DNAH5: variants seen among roughly 807,000 people sequenced by gnomAD.
DNAH5 encodes the protein axonemal beta dynein heavy chain 5.
Under a neutral mutation model 518.2 loss-of-function variants are expected in DNAH5, and 372 were observed. That is an observed-to-expected ratio of 0.72 (90% CI 0.66 to 0.78). The LOEUF is 0.78. Ranked by LOEUF, DNAH5 falls within the 30% of genes least tolerant of loss-of-function variation. DNAH5 has a pLI of 0.00. For missense variants in DNAH5, 5,523 were observed against 5,687.0 expected (o/e 0.97, Z 0.93); for synonymous variants, 2,039 against 2,025.9 (o/e 1.01, Z -0.17).
intron 51 of DNAH5, among the ~76,000 whole-genome samples, chr5:13,788,505 G>C (rs932183948): frequency 6.6e-6 from 1 of 152,090 alleles, no homozygotes; most frequent in Non-Finnish European, 1.5e-5. Flanking sequence ...ATATCCAAGC[G>C]TGATATGCAT....
chr5:13,914,746 T>C (rs1344510038), intron 9 of DNAH5, 104 bp from the exon 10 acceptor site: 7 of 1,183,622 alleles, frequency 5.9e-6, no homozygotes, highest in Non-Finnish European at 6.1e-6. Flanking sequence ...TTCACAATCT[T>C]CTAACTTGAG....
At chr5:13,732,785 C>A (rs996704976) in intron 68 of DNAH5, among the ~76,000 whole-genome samples, 1 of 152,076 alleles carries the variant, frequency 6.6e-6, no homozygotes, top group Non-Finnish European at 1.5e-5. Context: ...TTTCATCATA[C>A]GAATTTTAGT....
chr5:13,820,454 C>A lies in DNAH5; in HGVS notation c.6733G>T (p.Val2245Phe). 5 of 1,614,096 alleles carry A rather than the reference C, an allele frequency of 3.1e-6. No individual in the cohort carries two copies. Among genetic ancestry groups the A allele is most frequent in the Middle Eastern group, 1.7e-4 (1 of 6,050 alleles). Residue 2245 changes from valine (V) to phenylalanine (F), a missense_variant, in exon 41 of 79, where the codon GTC becomes TTC. Val to Phe is a conservative substitution (Grantham distance 50). Transcript: ENST00000265104. ...CTCTGCGTTTCGAATAGCTGGATGA[C>A]CTTCAGTTTCCAAGGAGGATGGTTG... ...LINHPPWKLKVIQLFETQRVR... is the reference protein window; with the variant it reads ...LINHPPWKLKFIQLFETQRVR...
Position 13,814,651 on chromosome 5 carries a change from A to G in DNAH5, c.7184T>C (p.Met2395Thr), listed in dbSNP as rs1225910424. The change falls in exon 43 of 79, where the codon ATG becomes ACG. Residue 2395 changes from methionine to threonine, a missense_variant. Met to Thr is a moderately conservative substitution (Grantham distance 81). Coordinates refer to ENST00000265104, the MANE Select transcript of DNAH5 (RefSeq NM_001369.3). ...AAGGATAGAAGAGCTCATGAAAACC[A>G]TTCCATTTCTTGAGACGGTGGCAGG... Reference protein sequence around the residue: ...ASPATVSRNGMVFMSSSILDW... With the variant: ...ASPATVSRNGTVFMSSSILDW... 2 of 1,613,942 alleles carry G rather than the reference A, an allele frequency of 1.2e-6. No homozygotes were observed. Among genetic ancestry groups the G allele is most frequent in the Non-Finnish European group, 1.7e-6 (2 of 1,179,900 alleles).
intron 28 of DNAH5, among the ~76,000 whole-genome samples, chr5:13,864,080 A>C (rs795510): frequency 6.6e-6 from 1 of 152,134 alleles, no homozygotes; most frequent in Admixed American, 6.5e-5. Context: ...CCCCAGGTGA[A>C]CCAAACTCAT....
chr5:13,815,843 G>A (rs1031902864), intron 42 of DNAH5, among the ~76,000 whole-genome samples: 9 of 152,186 alleles, frequency 5.9e-5, no homozygotes, highest in Non-Finnish European at 8.8e-5. Flanking sequence ...AGATTAAAAT[G>A]TGAAAGTCAC....
intron 2 of DNAH5, among the ~76,000 whole-genome samples, chr5:13,928,484 G>A (rs1298837687): frequency 6.6e-6 from 1 of 152,190 alleles, no homozygotes; most frequent in African/African-American, 2.4e-5. Flanking sequence ...GTTGAAGGGA[G>A]ATTTAAATAG....
chr5:13,906,844 T>C lies in DNAH5; in HGVS notation c.1644+4542A>G, dbSNP rs180889240. The stretch of plus-strand genomic sequence containing the variant: ...CAATAGTGACCCTTCGTGGAAAAGA[T>C]ATAGACTTTCATGCACCTATTTTAA... On this transcript the variant is annotated intron_variant, in intron 12 of 78. Coordinates refer to ENST00000265104, the MANE Select transcript of DNAH5 (RefSeq NM_001369.3). 9.4e-3 allele frequency among the ~76,000 whole-genome samples: 1,435 copies of C among 152,182 alleles called. 21 individuals carry two copies. Among genetic ancestry groups the C allele is most frequent in the Non-Finnish European group, 9.0e-3 (612 of 68,002 alleles).
chr5:13,966,147 G>A (rs1781510508), intron 1 of DNAH5, among the ~76,000 whole-genome samples: 1 of 152,046 alleles, frequency 6.6e-6, no homozygotes, highest in Admixed American at 6.5e-5. Context: ...TCCATCCAAG[G>A]TTGCTGCAAA....
At chr5:13,731,386 A>G (rs1436856078) in intron 68 of DNAH5, among the ~76,000 whole-genome samples, 1 of 152,226 alleles carries the variant, frequency 6.6e-6, no homozygotes, top group African/African-American at 2.4e-5. Context: ...GGGAAAGGCT[A>G]TTCACAGAAA....
In DNAH5 at chr5:13,755,181, T is replaced by A. The variant is rs915891749; in HGVS notation, c.10420-843A>T. Among the ~76,000 whole-genome samples, 14 of 152,122 alleles carry A rather than the reference T, an allele frequency of 9.2e-5. No homozygotes were observed. The East Asian group carries it at 9.7e-4, about 11-fold the overall frequency. ...TAGTGTTTAAGCAACAATTGCTTATTCTACTTGTAAAAATCTAAACTTATG... is the reference window on the plus strand; with the variant it reads ...TAGTGTTTAAGCAACAATTGCTTATACTACTTGTAAAAATCTAAACTTATG... On this transcript the variant is annotated intron_variant, in intron 61 of 78. Coordinates refer to ENST00000265104, the MANE Select transcript of DNAH5 (RefSeq NM_001369.3).
At position 13,814,739 on chromosome 5, in the gene DNAH5, G is replaced by A. The variant is rs868151020; in HGVS notation, c.7096C>T (p.Arg2366Trp). The change falls in exon 43 of 79, where the codon CGG becomes TGG. Residue 2366 changes from arginine to tryptophan, a missense_variant. By Grantham distance (101) the Arg-to-Trp change is moderately radical. Coordinates refer to ENST00000265104, the MANE Select transcript of DNAH5 (RefSeq NM_001369.3). ...TTGCAGTTTGGAGCCATGGGAATCC[G>A]ATCACCATTGGCAAGGGTTAGAGTT... is the stretch of plus-strand genomic sequence containing the variant. Reference protein sequence around the residue: ...NKTLTLANGDRIPMAPNCKII... With the variant: ...NKTLTLANGDWIPMAPNCKII... 3 of 1,614,014 alleles carry A rather than the reference G, an allele frequency of 1.9e-6. No homozygotes were observed. The highest frequency in any genetic ancestry group is 8.5e-7 in the Non-Finnish European group (1 of 1,179,994).
chr5:13,813,407 G>A (rs1482454893), intron 43 of DNAH5, among the ~76,000 whole-genome samples: 1 of 148,652 alleles, frequency 6.7e-6, no homozygotes, highest in Non-Finnish European at 1.5e-5. Context: ...TGCTGTACCT[G>A]TGGTTTCCAA....
intron 51 of DNAH5, among the ~76,000 whole-genome samples, chr5:13,787,366 T>A (rs1198120756): frequency 6.6e-6 from 1 of 152,228 alleles, no homozygotes; most frequent in Non-Finnish European, 1.5e-5. Flanking sequence ...TGGGTCTTTC[T>A]AACCTTATAG....
chr5:13,865,667 C>T lies in DNAH5; in HGVS notation c.4355+1G>A. On this transcript the variant is annotated splice_donor_variant, in intron 27 of 78. Coordinates refer to ENST00000265104, the MANE Select transcript of DNAH5 (RefSeq NM_001369.3). LOFTEE classifies it high-confidence loss of function. ...GGCATGCTAAACATTTAATTTCTTA[C>T]CTGTTCTGGAATTCTAAGAGTTCAT... The T allele has an allele frequency of 6.6e-7, 1 of 1,524,264 alleles. No individual in the cohort carries two copies. Among genetic ancestry groups the T allele is most frequent in the Non-Finnish European group, 9.1e-7 (1 of 1,098,414 alleles). 94.4% of individuals were successfully genotyped at this position (1,524,264 alleles called of 1,614,324 possible).
intron 1 of DNAH5, among the ~76,000 whole-genome samples, chr5:13,998,795 G>A (rs1045844307): frequency 1.3e-5 from 2 of 152,188 alleles, no homozygotes; most frequent in African/African-American, 4.8e-5. Context: ...GGGCAGGGCT[G>A]GGATAAATAC....
intron 1 of DNAH5, among the ~76,000 whole-genome samples, chr5:13,970,423 G>A (rs979626784): frequency 6.6e-6 from 1 of 150,728 alleles, no homozygotes; most frequent in African/African-American, 2.5e-5. Context: ...TTCTATTTTG[G>A]TGTATTTTGA....
intron 70 of DNAH5, among the ~76,000 whole-genome samples, chr5:13,722,334 G>A (rs1337480090): frequency 6.6e-6 from 1 of 152,150 alleles, no homozygotes; most frequent in Non-Finnish European, 1.5e-5. Flanking sequence ...CCTCATCTTC[G>A]ATATCTTGCT....
chr5:13,823,360 T>C lies in DNAH5; in HGVS notation c.6590A>G (p.Asp2197Gly), dbSNP rs766882502. ...AATCAAACTCAAAAACAAGGGTTCA[T>C]CCTCATCAATCTAAAAAAAGAAAAT... ...DMNLSKLIDEDEPLFLSLIED... is the reference protein window; with the variant it reads ...DMNLSKLIDEGEPLFLSLIED... Residue 2197 changes from aspartate (D) to glycine (G), a missense_variant, in exon 40 of 79, where the codon GAT (aspartate) becomes GGT (glycine). By Grantham distance (94) the Asp-to-Gly change is moderately conservative (BLOSUM62 -1). Transcript: ENST00000265104. 1.1e-5 allele frequency: 18 copies of C among 1,609,348 alleles called. 1 individual carries two copies. In the Admixed American group the frequency reaches 2.5e-4, roughly 22 times the overall value.
Sources: allele counts gnomAD v4.1 joint callset (sites outside exome capture counted in the v4.1 genomes callset), GRCh38; gene constraint gnomAD v4.1.1; transcripts MANE v1.5; gene names NCBI Gene and HGNC (gene_info 2026-07-23, HGNC 2026-07-21).